ANKRD30A: variants seen among roughly 807,000 people sequenced by gnomAD.
ANKRD30A encodes ankyrin repeat domain 30A.
In ANKRD30A, 170 loss-of-function variants were observed where a neutral mutation model predicts 166.3. That is an observed-to-expected ratio of 1.02 (90% CI 0.90 to 1.16). The LOEUF is 1.16. ANKRD30A is among the 50% of genes most tolerant of loss of function. ANKRD30A has a pLI of 0.00. For missense variants in ANKRD30A, 1,630 were observed against 1,518.0 expected (o/e 1.07, Z -1.23); for synonymous variants, 564 against 508.9 (o/e 1.11, Z -1.46).
At chr10:37,197,545 C>G in intron 29 of ANKRD30A, 65 bp downstream of exon 29, 1 of 1,606,930 alleles carries the variant, frequency 6.2e-7, no homozygotes, top group Non-Finnish European at 8.5e-7. Context: ...GATGGTCTTT[C>G]TATCCCCAAT....
rs180692151 is a variant in ANKRD30A at position 37,162,689 on chromosome 10, T to C, written c.1929+12T>C. 2.0e-3 allele frequency: 3,280 copies of C among 1,612,412 alleles called. 28 individuals are homozygous for C. In the East Asian group the frequency reaches 0.03, roughly 15 times the overall value. ...CATCTGCCTTCGAGGTATTTAGTTT[T>C]ATGATTTCATTTTGAATGACTTATT... On this transcript the variant is annotated intron_variant, in intron 16 of 35. Transcript: ENST00000361713.
intron 27 of ANKRD30A, among the ~76,000 whole-genome samples, chr10:37,196,580 T>TA (rs1478276454): frequency 1.3e-5 from 2 of 152,150 alleles, no homozygotes; most frequent in African/African-American, 4.8e-5. Context: ...GACTTAACAA[T>TA]TAAAAAAGTT....
chr10:37,150,001 A>T (rs1325022057), intron 11 of ANKRD30A, 152 bp downstream of exon 11: 1 of 1,139,728 alleles, frequency 8.8e-7, no homozygotes, highest in Admixed American at 3.0e-5. Context: ...TGAAAACCTG[A>T]TATTACAAGA....
chr10:37,172,265 C>G (rs1202751398), intron 21 of ANKRD30A, among the ~76,000 whole-genome samples: 1 of 109,526 alleles, frequency 9.1e-6, no homozygotes, highest in Non-Finnish European at 2.0e-5. Flanking sequence ...GTCCTTGGAG[C>G]TTGGTCTGAG....
chr10:37,226,085 A>T (rs548658863), intron 34 of ANKRD30A, among the ~76,000 whole-genome samples: 120 of 151,256 alleles, frequency 7.9e-4, no homozygotes, highest in African/African-American at 2.8e-3. Flanking sequence ...TTCACTTAGC[A>T]TAACATTTTC....
intron 31 of ANKRD30A, among the ~76,000 whole-genome samples, chr10:37,208,825 C>T (rs1842125804): frequency 6.6e-6 from 1 of 152,126 alleles, no homozygotes; most frequent in African/African-American, 2.4e-5. Context: ...ACTCTCTTTT[C>T]AGATTGGAAA....
At chr10:37,154,075 A>G (rs1180893201) in intron 13 of ANKRD30A, among the ~76,000 whole-genome samples, 1 of 152,132 alleles carries the variant, frequency 6.6e-6, no homozygotes, top group African/African-American at 2.4e-5. Context: ...GAAGAATATA[A>G]AGTGACCTTC....
the ANKRD30A span, among the ~76,000 whole-genome samples, chr10:37,261,150 T>C: frequency 6.6e-6 from 1 of 152,294 alleles, no homozygotes; most frequent in Non-Finnish European, 1.5e-5. Context: ...AAATCAGGCT[T>C]CTCCGTGCAG....
intron 8 of ANKRD30A, among the ~76,000 whole-genome samples, chr10:37,146,886 A>T (rs1793117077): frequency 6.6e-6 from 1 of 152,198 alleles, no homozygotes; most frequent in African/African-American, 2.4e-5. Flanking sequence ...GTTGCCTTCA[A>T]CCATATCTAT....
At chr10:37,161,069 A>C (rs1199793798) in intron 15 of ANKRD30A, among the ~76,000 whole-genome samples, 8 of 152,280 alleles carry the variant, frequency 5.3e-5, no homozygotes, top group East Asian at 1.9e-4. Flanking sequence ...CTGACTAACA[A>C]GGCGAAACCC....
the ANKRD30A span, among the ~76,000 whole-genome samples, chr10:37,261,491 C>A: frequency 6.6e-6 from 1 of 152,080 alleles, no homozygotes; most frequent in Non-Finnish European, 1.5e-5. Context: ...AAAGATGAAT[C>A]ATAAATGAAC....
intron 5 of ANKRD30A, 39 bp downstream of exon 5, chr10:37,134,092 G>C: frequency 6.2e-7 from 1 of 1,605,018 alleles, no homozygotes; most frequent in Non-Finnish European, 8.5e-7. Context: ...AGATTTTATA[G>C]TTTGTTTCAG....
the ANKRD30A span, chr10:37,241,020 A>C: frequency 6.6e-6 from 1 of 152,118 alleles, no homozygotes; most frequent in Non-Finnish European, 1.5e-5. Flanking sequence ...ACTACGGGTG[A>C]GTTTTATTTA....
At chr10:37,183,459 T>C (rs543450385) in intron 24 of ANKRD30A, among the ~76,000 whole-genome samples, 1 of 146,948 alleles carries the variant, frequency 6.8e-6, no homozygotes, top group Non-Finnish European at 1.5e-5. Flanking sequence ...CTCTTGTATA[T>C]GAAATAATGT....
At position 37,141,999 on chromosome 10, in the gene ANKRD30A, A is replaced by G; in HGVS notation, c.1102A>G (p.Thr368Ala). The stretch of plus-strand genomic sequence containing the variant: ...GGAAATTACGAGTCCTGCAAAAGAA[A>G]CATCTGAGAAATTTACGTGGCCAGC... Reference protein sequence around the residue: ...PREITSPAKETSEKFTWPAKG... With the variant: ...PREITSPAKEASEKFTWPAKG... Residue 368 changes from threonine to alanine, a missense_variant, in exon 7 of 36, where the codon ACA becomes GCA. Around this residue, in one of 4 missense-constraint regions of ANKRD30A, gnomAD observed 904 missense variants for 818.5 expected, o/e 1.10. Transcript: ENST00000361713. 1 of 1,614,148 alleles carries G rather than the reference A, an allele frequency of 6.2e-7. No individual in the cohort carries two copies. Among genetic ancestry groups the G allele is most frequent in the East Asian group, 2.2e-5 (1 of 44,884 alleles).
At chr10:37,167,742 A>G (rs1014644332) in intron 19 of ANKRD30A, among the ~76,000 whole-genome samples, 1 of 151,566 alleles carries the variant, frequency 6.6e-6, no homozygotes, top group African/African-American at 2.4e-5. Context: ...GGGTATGAAA[A>G]TCAAGGAATA....
At chr10:37,137,392 C>T (rs889944804) in intron 6 of ANKRD30A, among the ~76,000 whole-genome samples, 25 of 152,166 alleles carry the variant, frequency 1.6e-4, no homozygotes, top group African/African-American at 5.1e-4. Flanking sequence ...ACAGTGGGTG[C>T]AGCGCACTGA....
At chr10:37,216,905 G>A (rs1218731772) in intron 32 of ANKRD30A, among the ~76,000 whole-genome samples, 12 of 150,900 alleles carry the variant, frequency 8.0e-5, no homozygotes, top group Non-Finnish European at 7.4e-5. Context: ...CCCAAGACTC[G>A]ATTTCTTTCA....
intron 6 of ANKRD30A, among the ~76,000 whole-genome samples, chr10:37,140,300 G>T (rs762535782): frequency 6.6e-6 from 1 of 152,106 alleles, no homozygotes; most frequent in Admixed American, 6.6e-5. Flanking sequence ...ATAGTGACTC[G>T]TGTCACTAAA....
Sources: gnomAD v4.1 joint callset for allele counts (sites outside exome capture counted in the v4.1 genomes callset) on GRCh38, gnomAD v4.1.1 for gene constraint, gnomAD v4.1.1 regional missense constraint, MANE v1.5 for transcripts, NCBI Gene and HGNC (gene_info 2026-07-23, HGNC 2026-07-21) for gene names.